BMAL1: variants seen among roughly 807,000 people sequenced by gnomAD.
The protein encoded by BMAL1 is basic helix-loop-helix ARNT-like protein 1.
the BMAL1 span, among the ~76,000 whole-genome samples, chr11:13,352,487 A>G: frequency 6.6e-6 from 1 of 152,206 alleles, no homozygotes; most frequent in Admixed American, 6.5e-5. Flanking sequence ...AGTAAAAACA[A>G]TGAGGTTTTC....
At chr11:13,372,602 G>A in the BMAL1 span, among the ~76,000 whole-genome samples, 1 of 152,260 alleles carries the variant, frequency 6.6e-6, no homozygotes, top group Admixed American at 6.5e-5. Context: ...TTGAGCCCAG[G>A]AGTTTGAGAC....
chr11:13,354,407 G>A, the BMAL1 span: 6 of 1,614,014 alleles, frequency 3.7e-6, no homozygotes, highest in Non-Finnish European at 5.1e-6. Flanking sequence ...CCAGTGGTGT[G>A]GATTGCAACC....
the BMAL1 span, among the ~76,000 whole-genome samples, chr11:13,305,933 C>T: frequency 1.3e-5 from 2 of 152,180 alleles, no homozygotes; most frequent in Non-Finnish European, 2.9e-5. Flanking sequence ...CTCCTCAGTT[C>T]CAAGTCTGAG....
chr11:13,336,602 G>A, the BMAL1 span, among the ~76,000 whole-genome samples: 1 of 152,202 alleles, frequency 6.6e-6, no homozygotes, highest in South Asian at 2.1e-4. Context: ...GTTGGACCAC[G>A]AGGGTCTGAC....
the BMAL1 span, among the ~76,000 whole-genome samples, chr11:13,363,445 C>T: frequency 1.3e-5 from 2 of 152,008 alleles, no homozygotes; most frequent in African/African-American, 2.4e-5. Flanking sequence ...CTCTCTAGCA[C>T]GTGTCAGTGG....
chr11:13,327,750 A>C, the BMAL1 span, among the ~76,000 whole-genome samples: 2 of 152,228 alleles, frequency 1.3e-5, no homozygotes, highest in Admixed American at 6.5e-5. Context: ...AAGAGTGGCA[A>C]CAGAAAGGGT....
chr11:13,375,521 C>T, the BMAL1 span: 5 of 1,125,082 alleles, frequency 4.4e-6, no homozygotes, highest in Non-Finnish European at 6.1e-6. Context: ...GTCGTTGGAG[C>T]TCAAGTACCT....
At chr11:13,380,050 A>T in the BMAL1 span, 1 of 152,252 alleles carries the variant, frequency 6.6e-6, no homozygotes, top group Non-Finnish European at 1.5e-5. Context: ...AAGAGAAATC[A>T]ATCATCTAAG....
the BMAL1 span, chr11:13,355,429 G>A: frequency 1.1e-6 from 1 of 900,074 alleles, no homozygotes; most frequent in African/African-American, 1.6e-5. Flanking sequence ...CAAACCCTTT[G>A]TCTTGAGCAA....
the BMAL1 span, chr11:13,365,341 A>G: frequency 1.2e-4 from 65 of 527,092 alleles, no homozygotes; most frequent in African/African-American, 1.2e-3. Flanking sequence ...TTCTTCAGAG[A>G]CGTTTGTTTT....
At chr11:13,296,237 C>T in the BMAL1 span, among the ~76,000 whole-genome samples, 2,495 of 152,282 alleles carry the variant, frequency 0.016, 77 homozygotes, top group African/African-American at 0.058. Context: ...CTGCAAACAT[C>T]AGTGATGGGG....
the BMAL1 span, among the ~76,000 whole-genome samples, chr11:13,290,068 C>G: frequency 6.6e-6 from 1 of 152,186 alleles, no homozygotes; most frequent in African/African-American, 2.4e-5. Context: ...TTTTAATGAT[C>G]ACCATTCTAA....
chr11:13,376,918 G>T, the BMAL1 span: 6 of 587,640 alleles, frequency 1.0e-5, no homozygotes, highest in Non-Finnish European at 1.8e-5. Flanking sequence ...TGTTGAGCCG[G>T]AATACTAGGA....
the BMAL1 span, among the ~76,000 whole-genome samples, chr11:13,338,549 C>T: frequency 3.3e-5 from 5 of 152,198 alleles, no homozygotes; most frequent in African/African-American, 9.6e-5. Flanking sequence ...ATCCTTGCCC[C>T]GTAGGTGGGA....
the BMAL1 span, among the ~76,000 whole-genome samples, chr11:13,319,776 C>A: frequency 6.6e-6 from 1 of 152,302 alleles, no homozygotes; most frequent in Non-Finnish European, 1.5e-5. Context: ...ACAGCTCTGC[C>A]AGGCTGGCTT....
the BMAL1 span, among the ~76,000 whole-genome samples, chr11:13,341,832 C>T: frequency 1.3e-5 from 2 of 152,372 alleles, no homozygotes; most frequent in South Asian, 4.1e-4. Context: ...GGTCCTTGAG[C>T]ATGACTCATT....
At chr11:13,334,978 G>A in the BMAL1 span, among the ~76,000 whole-genome samples, 71 of 152,328 alleles carry the variant, frequency 4.7e-4, no homozygotes, top group Non-Finnish European at 6.6e-4. Flanking sequence ...CAGATAGCAC[G>A]CATTCCGGTC....
At chr11:13,283,880 G>A in the BMAL1 span, among the ~76,000 whole-genome samples, 3 of 151,978 alleles carry the variant, frequency 2.0e-5, no homozygotes, top group East Asian at 5.8e-4. Context: ...GCCCCCTGTG[G>A]CTCAGCCAGC....
the BMAL1 span, among the ~76,000 whole-genome samples, chr11:13,318,220 T>C: frequency 2.0e-5 from 3 of 152,246 alleles, no homozygotes; most frequent in African/African-American, 7.2e-5. Flanking sequence ...TGTATCAGTT[T>C]AGAATTATTT....
Sources: allele counts gnomAD v4.1 joint callset (sites outside exome capture counted in the v4.1 genomes callset), GRCh38; gene constraint gnomAD v4.1.1; transcripts MANE v1.5; gene names NCBI Gene and HGNC (gene_info 2026-07-23, HGNC 2026-07-21).